The following TMCO4 variants were observed in gnomAD, a reference collection of about 807,000 sequenced individuals.
The protein encoded by TMCO4 is transmembrane and coiled-coil domains 4.
A neutral mutation model predicts 64.7 loss-of-function variants in TMCO4; 58 were observed. That is an observed-to-expected ratio of 0.90 (90% confidence interval 0.73 to 1.12). TMCO4 has a LOEUF of 1.12. TMCO4 is among the 50% of genes most tolerant of loss of function. The pLI, the probability that TMCO4 is intolerant of heterozygous loss-of-function variation, is 0.00. For missense variants in TMCO4, 780 were observed against 825.9 expected, an observed-to-expected ratio of 0.94 and a Z score of 0.68; for synonymous variants, 325 against 346.1, an observed-to-expected ratio of 0.94 and a Z score of 0.68.
At position 19,745,238 on chromosome 1, in the gene TMCO4, G is replaced by A. The variant is rs376080112; in HGVS notation, c.877+294C>T. On this transcript the variant is annotated intron_variant, in intron 10 of 15. Transcript: ENST00000294543. ...TAGATAGAAGGGTGGTTAAGTGGGTGGGTAGATGGATGAACAGGTGGGTGG... is the reference window on the plus strand; with the variant it reads ...TAGATAGAAGGGTGGTTAAGTGGGTAGGTAGATGGATGAACAGGTGGGTGG... Among the ~76,000 whole-genome samples the A allele has an allele frequency of 4.8e-5, 7 of 144,712 alleles. No homozygotes were observed. The South Asian group carries it at 6.8e-4, about 14-fold the overall frequency. 94.9% of individuals were successfully genotyped at this position (144,712 alleles called of 152,430 possible).
rs543886923 is a variant in TMCO4, at chr1:19,727,454, T to C, written c.1264+9918A>G. ...AGGGTAGTTTCTTCAACATAAGCTC[T>C]GTGAGGTTGGTGCTATATCTATTAG... On this transcript the variant is annotated intron_variant, in intron 13 of 15. Transcript: ENST00000294543. Among the ~76,000 whole-genome samples the C allele has an allele frequency of 9.2e-5, 14 of 152,364 alleles. No individual in the cohort carries two copies. The East Asian group carries it at 2.5e-3, about 27-fold the overall frequency.
At chr1:19,760,905 C>A (rs1196050006) in intron 6 of TMCO4, among the ~76,000 whole-genome samples, 2 of 152,224 alleles carry the variant, frequency 1.3e-5, no homozygotes, top group African/African-American at 4.8e-5. Context: ...TGGGAGAGAT[C>A]CAAATGCAGG....
rs2043431166 is a variant in TMCO4, at chr1:19,780,719, G to GC, written c.39dup (p.Gln14AlafsTer6). On this transcript the variant is annotated frameshift_variant, in exon 4 of 16. Coordinates refer to ENST00000294543, the MANE Select transcript of TMCO4 (RefSeq NM_181719.7). LOFTEE classifies it high-confidence loss of function. The stretch of plus-strand genomic sequence containing the variant: ...GCAGTGGGCTCAGCTACCAGAGGCT[G>GC]CTGAGGCAGCCTCTGGCATGGCCTG... 6 of 1,606,990 alleles carry GC rather than the reference G, an allele frequency of 3.7e-6. No homozygotes were observed. The Admixed American group carries it at 1.0e-4, about 28-fold the overall frequency.
rs575415119 is a variant in TMCO4 at position 19,775,026 on chromosome 1, T to A, written c.180-3544A>T. Among the ~76,000 whole-genome samples, 10 of 152,242 alleles carry A rather than the reference T, an allele frequency of 6.6e-5. No homozygotes were observed. The East Asian group carries it at 1.7e-3, about 26-fold the overall frequency. ...AAACATCCCCTTTCATCCTACCCCA[T>A]CTTACACAGGGCGCACCTGGCCTGC... On this transcript the variant is annotated intron_variant, in intron 4 of 15. Transcript: ENST00000294543.
intron 10 of TMCO4, 52 bp from the exon 11 acceptor site, chr1:19,740,993 C>T (rs773153479): frequency 1.8e-5 from 27 of 1,529,486 alleles, no homozygotes; most frequent in Non-Finnish European, 1.8e-5. Flanking sequence ...CAGAGGATGC[C>T]CCACCCCAGT....
intron 13 of TMCO4, among the ~76,000 whole-genome samples, chr1:19,714,031 G>C (rs1296848765): frequency 2.0e-5 from 3 of 152,100 alleles, no homozygotes; most frequent in Non-Finnish European, 4.4e-5. Flanking sequence ...CTACCTCCCA[G>C]GTTCAAGTGA....
chr1:19,700,661 C>T lies in TMCO4; in HGVS notation c.1382+107G>A, dbSNP rs181089663. The T allele has an allele frequency of 1.2e-5, 13 of 1,069,424 alleles. No individual in the cohort carries two copies. In the African/African-American group the frequency reaches 1.9e-4, roughly 16 times the overall value. The allele number at this position is 1,069,424 out of a possible 1,614,324, so 66.2% of individuals were successfully genotyped here. ...TGCCCGGCCGGTTCCTGGGATCTTC[C>T]AGGACAGGGATTAGGTCTCAAATAT... is the stretch of plus-strand genomic sequence containing the variant. On this transcript the variant is annotated intron_variant, in intron 14 of 15. Transcript: ENST00000294543.
At position 19,771,467 on chromosome 1, in the gene TMCO4, C is replaced by T. The variant is rs1473697006; in HGVS notation, c.195G>A (p.Glu65=). Reference sequence around the variant, plus strand: ...GCCACTGCACCAGGCCTGCCATGAACTCTGTGCAGAAGGAGCTGAAAGGCA... The same window carrying T: ...GCCACTGCACCAGGCCTGCCATGAATTCTGTGCAGAAGGAGCTGAAAGGCA... ...PEPEHSSFCT[E]FMAGLVQWLE... is the part of the protein sequence containing the mutation. Residue 65 remains glutamate (E), a synonymous_variant, in exon 5 of 16, where the codon GAG becomes GAA. Coordinates refer to ENST00000294543, the MANE Select transcript of TMCO4 (RefSeq NM_181719.7). 2 of 1,614,074 alleles carry T rather than the reference C, an allele frequency of 1.2e-6. No homozygotes were observed. Among genetic ancestry groups the T allele is most frequent in the South Asian group, 1.1e-5 (1 of 91,070 alleles).
At chr1:19,700,685 A>T in intron 14 of TMCO4, 83 bp downstream of exon 14, 2 of 1,232,708 alleles carry the variant, frequency 1.6e-6, no homozygotes, top group Non-Finnish European at 2.3e-6. Context: ...GGTCTCAAAT[A>T]TGTGTCCCCA....
rs117234158 is a variant in TMCO4 at position 19,741,458 on chromosome 1, T to C, written c.878-517A>G. 1.2e-4 allele frequency among the ~76,000 whole-genome samples: 18 copies of C among 152,310 alleles called. No homozygotes were observed. In the East Asian group the frequency reaches 3.5e-3, roughly 29 times the overall value. The stretch of plus-strand genomic sequence containing the variant: ...AGCTAGAAATTTGGGGAAGAGATGT[T>C]TGAGCCCGGCTCTGTTATGATCTTG... On this transcript the variant is annotated intron_variant, in intron 10 of 15. Transcript: ENST00000294543.
intron 14 of TMCO4, among the ~76,000 whole-genome samples, chr1:19,695,031 G>C (rs959607334): frequency 2.0e-5 from 3 of 152,198 alleles, no homozygotes; most frequent in Non-Finnish European, 4.4e-5. Flanking sequence ...CTGGGGTCTA[G>C]GCGACCTATC....
chr1:19,701,056 G>T (rs1368322313), intron 13 of TMCO4, 171 bp from the exon 14 acceptor site: 6 of 580,848 alleles, frequency 1.0e-5, no homozygotes, highest in Non-Finnish European at 1.8e-5. Context: ...ACGCAAACAT[G>T]CATGGATAGG....
At chr1:19,786,511 G>A (rs1297128225) in intron 3 of TMCO4, among the ~76,000 whole-genome samples, 1 of 152,214 alleles carries the variant, frequency 6.6e-6, no homozygotes, top group African/African-American at 2.4e-5. Context: ...AAACACTTTA[G>A]AAGAACCAAA....
At chr1:19,687,344 C>T (rs2095157397) in intron 15 of TMCO4, among the ~76,000 whole-genome samples, 1 of 152,186 alleles carries the variant, frequency 6.6e-6, no homozygotes, top group Non-Finnish European at 1.5e-5. Context: ...GCTTCAGCGT[C>T]CTAAATTGCT....
chr1:19,786,145 G>A (rs887934927), intron 3 of TMCO4, among the ~76,000 whole-genome samples: 7 of 152,200 alleles, frequency 4.6e-5, no homozygotes, highest in African/African-American at 1.4e-4. Context: ...CTACTCAAGA[G>A]TATGAGGCAG....
chr1:19,705,009 T>C (rs970869831), intron 13 of TMCO4, among the ~76,000 whole-genome samples: 15 of 152,208 alleles, frequency 9.9e-5, no homozygotes, highest in African/African-American at 3.6e-4. Flanking sequence ...TTGTCGCTGC[T>C]GACCTGGAGA....
At chr1:19,722,858 T>A (rs7539841) in intron 13 of TMCO4, among the ~76,000 whole-genome samples, 1 of 151,962 alleles carries the variant, frequency 6.6e-6, no homozygotes, top group Non-Finnish European at 1.5e-5. Flanking sequence ...AGGAACACTG[T>A]GATCCTCAGC....
intron 13 of TMCO4, among the ~76,000 whole-genome samples, chr1:19,724,586 A>G (rs115261808): frequency 1.3e-5 from 2 of 152,330 alleles, no homozygotes; most frequent in Non-Finnish European, 2.9e-5. Context: ...TGTTCAATAA[A>G]TGGTAGTTAT....
intron 3 of TMCO4, among the ~76,000 whole-genome samples, chr1:19,783,328 GCCA>G (rs1185067423): frequency 5.9e-5 from 9 of 152,168 alleles, no homozygotes; most frequent in Non-Finnish European, 2.9e-5. Flanking sequence ...AGAACTGTTG[GCCA>G]CCAACTCTGT....
Sources: allele counts gnomAD v4.1 joint callset (sites outside exome capture counted in the v4.1 genomes callset), GRCh38; gene constraint gnomAD v4.1.1; transcripts MANE v1.5; gene names NCBI Gene and HGNC (gene_info 2026-07-23, HGNC 2026-07-21).